PTBP3: variants seen among roughly 807,000 people sequenced by gnomAD.
PTBP3 encodes the protein polypyrimidine tract-binding protein 3.
A neutral mutation model predicts 58.7 loss-of-function variants in PTBP3; 20 were observed. The observed-to-expected ratio is 0.34, with a 90% CI of 0.24 to 0.50. The LOEUF (loss-of-function observed/expected upper bound fraction) is 0.50. PTBP3 is among the 20% of genes least tolerant of loss of function. The pLI is 0.98. For synonymous variants in PTBP3, 185 were observed against 219.8 expected (o/e 0.84, Z 1.40); for missense variants, 509 against 637.2 (o/e 0.80, Z 2.17).
At chr9:112,284,254 C>T (rs1327970580) in intron 2 of PTBP3, among the ~76,000 whole-genome samples, 1 of 144,100 alleles carries the variant, frequency 6.9e-6, no homozygotes, top group African/African-American at 2.4e-5. Context: ...TACTCAACAC[C>T]AGCTGCTGGC....
rs576981761 is a variant in PTBP3, at chr9:112,223,595, A to T, written c.*256T>A. On this transcript the variant is annotated 3_prime_UTR_variant, in exon 14 of 14. Transcript: ENST00000374257. ...TAGGGAATAAGATTATTGAAAAAAAATTTTTTTCCTGATTTTCTTTTTCCT... is the reference window on the plus strand; with the variant it reads ...TAGGGAATAAGATTATTGAAAAAAATTTTTTTTCCTGATTTTCTTTTTCCT... The T allele has an allele frequency of 4.2e-5, 49 of 1,157,094 alleles. No individual in the cohort carries two copies. Among genetic ancestry groups the T allele is most frequent in the African/African-American group, 3.9e-4 (24 of 62,042 alleles). 71.7% of individuals were successfully genotyped at this position (1,157,094 alleles called of 1,614,324 possible).
chr9:112,364,625 C>G, the PTBP3 span, among the ~76,000 whole-genome samples: 1 of 152,062 alleles, frequency 6.6e-6, no homozygotes, highest in Non-Finnish European at 1.5e-5. Flanking sequence ...AGGGCAAGAC[C>G]CTGTCTCTAT....
chr9:112,305,158 T>C (rs950037066), intron 1 of PTBP3, among the ~76,000 whole-genome samples: 2 of 152,164 alleles, frequency 1.3e-5, no homozygotes, highest in Non-Finnish European at 2.9e-5. Flanking sequence ...GGCCCACAGT[T>C]TGTGTAGTAA....
upstream of PTBP3, among the ~76,000 whole-genome samples, chr9:112,337,809 C>T (rs1261792700): frequency 6.6e-6 from 1 of 152,172 alleles, no homozygotes; most frequent in Non-Finnish European, 1.5e-5. Context: ...TAAGGCATTC[C>T]AGTAGGCAGT....
chr9:112,337,847 C>A (rs760451742), upstream of PTBP3, among the ~76,000 whole-genome samples: 1 of 152,136 alleles, frequency 6.6e-6, no homozygotes, highest in Admixed American at 6.5e-5. Context: ...CCAACATAAC[C>A]CTATTTCTGT....
intron 1 of PTBP3, among the ~76,000 whole-genome samples, chr9:112,300,196 C>A (rs1564445991): frequency 6.6e-6 from 1 of 152,130 alleles, no homozygotes; most frequent in African/African-American, 2.4e-5. Context: ...CTGATCCAAT[C>A]TATTAAAGTC....
intron 1 of PTBP3, among the ~76,000 whole-genome samples, chr9:112,331,887 T>A (rs1255779500): frequency 6.6e-6 from 1 of 152,244 alleles, no homozygotes; most frequent in Non-Finnish European, 1.5e-5. Flanking sequence ...CTCTTTATTA[T>A]AACTATACAT....
intron 1 of PTBP3, among the ~76,000 whole-genome samples, chr9:112,298,241 A>C (rs1054586565): frequency 6.6e-6 from 1 of 152,210 alleles, no homozygotes; most frequent in Non-Finnish European, 1.5e-5. Context: ...TTTTTGTAGC[A>C]TATATTTGTA....
At chr9:112,294,837 C>CTGT (rs1698210742) in intron 2 of PTBP3, among the ~76,000 whole-genome samples, 1 of 152,168 alleles carries the variant, frequency 6.6e-6, no homozygotes, top group Middle Eastern at 3.4e-3. Context: ...TAGGTCTTCT[C>CTGT]TGTACTAGCA....
the PTBP3 span, among the ~76,000 whole-genome samples, chr9:112,358,129 G>A: frequency 1.3e-5 from 2 of 152,092 alleles, no homozygotes; most frequent in African/African-American, 4.8e-5. Context: ...CCAACGTGAT[G>A]ATACCCTGTC....
At chr9:112,231,357 T>C in intron 10 of PTBP3, 23 bp downstream of exon 10, 2 of 1,561,640 alleles carry the variant, frequency 1.3e-6, no homozygotes, top group Non-Finnish European at 1.8e-6. Context: ...TAGACAATAA[T>C]AAAATAGCAA....
upstream of PTBP3, among the ~76,000 whole-genome samples, chr9:112,333,954 C>T (rs60658975): frequency 0.017 from 2,616 of 151,198 alleles, 71 homozygotes; most frequent in South Asian, 0.06. Flanking sequence ...CTCCCGCGGC[C>T]CCGCGGGCCT....
At position 112,327,320 on chromosome 9, in the gene PTBP3, C is replaced by G. The variant is rs143163931; in HGVS notation, c.-52+6150G>C. 9.0e-3 allele frequency among the ~76,000 whole-genome samples: 1,372 copies of G among 152,164 alleles called. 27 individuals carry two copies. Among genetic ancestry groups the G allele is most frequent in the African/African-American group, 0.031 (1,300 of 41,522 alleles). ...GTGGCTCACGCCTGTAATCCCAGCA[C>G]TTTGGGAGGCCGGGCAGATCACGAG... On this transcript the variant is annotated intron_variant, in intron 1 of 13. Coordinates refer to ENST00000374257, the MANE Select transcript of PTBP3 (RefSeq NM_001163788.4).
At chr9:112,369,399 C>T in the PTBP3 span, among the ~76,000 whole-genome samples, 1 of 152,210 alleles carries the variant, frequency 6.6e-6, no homozygotes. Flanking sequence ...TGAGAACTCA[C>T]CACTTGCATC....
chr9:112,318,001 A>C (rs1375464017), intron 1 of PTBP3, among the ~76,000 whole-genome samples: 1 of 152,118 alleles, frequency 6.6e-6, no homozygotes, highest in Non-Finnish European at 1.5e-5. Flanking sequence ...AATCCCAACA[A>C]CTTAGTTGAA....
intron 6 of PTBP3, chr9:112,252,307 A>G: frequency 4.0e-6 from 1 of 248,316 alleles, no homozygotes; most frequent in South Asian, 5.0e-5. Context: ...TGATCTCAGA[A>G]GTTAAGCAGG....
intron 7 of PTBP3, among the ~76,000 whole-genome samples, chr9:112,250,327 C>A (rs1403832567): frequency 6.6e-6 from 1 of 152,090 alleles, no homozygotes; most frequent in Non-Finnish European, 1.5e-5. Flanking sequence ...ACTGGGCCAT[C>A]CATTGCTTTT....
intron 7 of PTBP3, among the ~76,000 whole-genome samples, chr9:112,235,778 A>C (rs914325130): frequency 1.3e-5 from 2 of 152,214 alleles, no homozygotes; most frequent in Non-Finnish European, 2.9e-5. Context: ...GAAATGAAGA[A>C]GGCTAAAGAT....
In PTBP3 at chr9:112,290,693, T is replaced by A. The variant is rs1245793721; in HGVS notation, c.34+7139A>T. Among the ~76,000 whole-genome samples the A allele has an allele frequency of 9.7e-4, 77 of 79,206 alleles. 2 individuals are homozygous for A. The highest frequency in any genetic ancestry group is 6.4e-3 in the South Asian group (14 of 2,192). 52.0% of individuals were successfully genotyped at this position (79,206 alleles called of 152,430 possible). A position where few individuals can be genotyped will look rare whatever the true frequency, so the allele number is the denominator to read the frequency against. ...TCTTTAAAAAAAAAAAAAAAATATATATATATATATATATACACACACACA... is the reference window on the plus strand; with the variant it reads ...TCTTTAAAAAAAAAAAAAAAATATAAATATATATATATATACACACACACA... On this transcript the variant is annotated intron_variant, in intron 2 of 13. Coordinates refer to ENST00000374257, the MANE Select transcript of PTBP3 (RefSeq NM_001163788.4).
Sources: allele counts gnomAD v4.1 joint callset (sites outside exome capture counted in the v4.1 genomes callset), GRCh38; gene constraint gnomAD v4.1.1; transcripts MANE v1.5; gene names NCBI Gene and HGNC (gene_info 2026-07-23, HGNC 2026-07-21).